PTPRD: variants seen among roughly 807,000 people sequenced by gnomAD.
The protein encoded by PTPRD is receptor-type tyrosine-protein phosphatase delta.
A neutral mutation model predicts 214.5 loss-of-function variants in PTPRD; 34 were observed. That is an observed-to-expected ratio of 0.16 (90% CI 0.12 to 0.21). The LOEUF (loss-of-function observed/expected upper bound fraction) is 0.21. Among genes scored for constraint, PTPRD ranks in the 10% least tolerant of loss-of-function variants. The pLI is 1.00. For missense variants in PTPRD, 2,545 were observed against 2,398.7 expected, an observed-to-expected ratio of 1.06 and a Z score of -1.27; for synonymous variants, 1,128 against 845.7, an observed-to-expected ratio of 1.33 and a Z score of -5.79.
At chr9:8,983,573 A>T (rs2099324811) in intron 11 of PTPRD, among the ~76,000 whole-genome samples, 1 of 151,920 alleles carries the variant, frequency 6.6e-6, no homozygotes, top group African/African-American at 2.4e-5. Flanking sequence ...CTGGAGTGTA[A>T]TCACACATCA....
intron 35 of PTPRD, among the ~76,000 whole-genome samples, chr9:8,410,781 T>G (rs1171615309): frequency 6.6e-6 from 1 of 152,182 alleles, no homozygotes; most frequent in African/African-American, 2.4e-5. Flanking sequence ...ATTTGAAATT[T>G]TGACTCTAAC....
At chr9:9,002,035 C>T (rs2099423548) in intron 11 of PTPRD, among the ~76,000 whole-genome samples, 1 of 151,444 alleles carries the variant, frequency 6.6e-6, no homozygotes, top group African/African-American at 2.4e-5. Flanking sequence ...GGAGTTCAAG[C>T]CCTTATATTA....
At chr9:9,881,709 C>A (rs2068756291) in intron 5 of PTPRD, among the ~76,000 whole-genome samples, 1 of 152,118 alleles carries the variant, frequency 6.6e-6, no homozygotes, top group South Asian at 2.1e-4. Flanking sequence ...CCGTCTCACA[C>A]CCCCACATCT....
At chr9:10,311,522 CTTCATTGGGATATTTGT>C (rs1346852132) in intron 3 of PTPRD, among the ~76,000 whole-genome samples, 1 of 152,004 alleles carries the variant, frequency 6.6e-6, no homozygotes, top group African/African-American at 2.4e-5. Context: ...GCACTCTCTG[CTTCATTGGGATATTTGT>C]ATGCTCATTC....
At chr9:10,580,579 G>C (rs1370021561) in intron 2 of PTPRD, among the ~76,000 whole-genome samples, 1 of 151,966 alleles carries the variant, frequency 6.6e-6, no homozygotes, top group Non-Finnish European at 1.5e-5. Flanking sequence ...ATGCTGTCTG[G>C]AATTTGGCAG....
At chr9:8,768,212 T>C (rs958444074) in intron 11 of PTPRD, among the ~76,000 whole-genome samples, 7 of 152,156 alleles carry the variant, frequency 4.6e-5, no homozygotes, top group African/African-American at 1.7e-4. Context: ...CTGGGCAACA[T>C]AGTGAGACCC....
intron 5 of PTPRD, among the ~76,000 whole-genome samples, chr9:9,875,207 C>A (rs938582521): frequency 4.6e-5 from 7 of 151,966 alleles, no homozygotes; most frequent in Admixed American, 1.3e-4. Context: ...TAGATAATTT[C>A]TTAAAATTAT....
intron 3 of PTPRD, among the ~76,000 whole-genome samples, chr9:10,203,646 A>T (rs1472300794): frequency 2.0e-5 from 3 of 152,138 alleles, no homozygotes; most frequent in Non-Finnish European, 4.4e-5. Context: ...CCACTATTCC[A>T]AGAAATAAAG....
chr9:9,023,038 A>G (rs1046796783), intron 10 of PTPRD, among the ~76,000 whole-genome samples: 1 of 152,152 alleles, frequency 6.6e-6, no homozygotes, highest in African/African-American at 2.4e-5. Flanking sequence ...GATGTTTGGA[A>G]GTCAACATCC....
Position 8,341,280 on chromosome 9 carries a change from GAA to G in PTPRD, c.4948-14_4948-13del, listed in dbSNP as rs367982541. 6.2e-4 allele frequency: 742 copies of G among 1,196,402 alleles called. No individual in the cohort carries two copies. Among genetic ancestry groups the G allele is most frequent in the South Asian group, 2.5e-3 (152 of 61,790 alleles). The allele number at this position is 1,196,402 out of a possible 1,614,324, so 74.1% of individuals were successfully genotyped here. A position where few individuals can be genotyped will look rare whatever the true frequency, so the allele number is the denominator to read the frequency against. ...GAGCTGGCTAGACGCTGTTGAATAG[GAA>G]AAAAAAAAAAGGAAAAACCCAACAA... On this transcript the variant is annotated splice_polypyrimidine_tract_variant and intron_variant, in intron 40 of 45. Coordinates refer to ENST00000381196, the MANE Select transcript of PTPRD (RefSeq NM_002839.4).
chr9:8,648,143 A>G (rs1354177258), intron 12 of PTPRD, among the ~76,000 whole-genome samples: 1 of 152,218 alleles, frequency 6.6e-6, no homozygotes, highest in Non-Finnish European at 1.5e-5. Flanking sequence ...TGGAAATGGT[A>G]TGTTCCAATG....
chr9:9,637,372 C>A (rs755585085), intron 7 of PTPRD, among the ~76,000 whole-genome samples: 43 of 152,300 alleles, frequency 2.8e-4, no homozygotes, highest in South Asian at 8.3e-4. Flanking sequence ...AAGTTATGTA[C>A]TTCCAAAATA....
At chr9:10,282,985 A>G (rs1016472015) in intron 3 of PTPRD, among the ~76,000 whole-genome samples, 1 of 151,996 alleles carries the variant, frequency 6.6e-6, no homozygotes, top group African/African-American at 2.4e-5. Flanking sequence ...TCATTTTTTC[A>G]TTAATATCTG....
intron 4 of PTPRD, among the ~76,000 whole-genome samples, chr9:9,959,378 T>G (rs1343150724): frequency 6.6e-6 from 1 of 152,118 alleles, no homozygotes; most frequent in Non-Finnish European, 1.5e-5. Flanking sequence ...CAGAGGACTT[T>G]TAGAACAGCA....
intron 8 of PTPRD, among the ~76,000 whole-genome samples, chr9:9,417,800 CTT>C (rs1480594745): frequency 6.6e-6 from 1 of 151,964 alleles, no homozygotes; most frequent in East Asian, 1.9e-4. Context: ...ATTTTTAAGA[CTT>C]TGTGTCAGGA....
intron 7 of PTPRD, among the ~76,000 whole-genome samples, chr9:9,593,140 G>GAAAAGAAAAGAAAA (rs1563920992): frequency 0.015 from 1,398 of 95,220 alleles, 22 homozygotes; most frequent in African/African-American, 0.048. Flanking sequence ...GGAAAGGAAA[G>GAAAAGAAAAGAAAA]GGAAAGAAAA....
chr9:8,739,276 A>C (rs999723306), intron 11 of PTPRD, among the ~76,000 whole-genome samples: 29 of 152,220 alleles, frequency 1.9e-4, no homozygotes, highest in African/African-American at 7.0e-4. Flanking sequence ...GCAAACTTTC[A>C]ACATTTCACT....
chr9:8,891,527 T>G (rs970943959), intron 11 of PTPRD, among the ~76,000 whole-genome samples: 32 of 152,118 alleles, frequency 2.1e-4, no homozygotes, highest in Non-Finnish European at 2.9e-5. Context: ...AAAGAGCCAT[T>G]TGTTATATGC....
chr9:10,553,839 T>C (rs2061883234), intron 2 of PTPRD, among the ~76,000 whole-genome samples: 1 of 152,230 alleles, frequency 6.6e-6, no homozygotes, highest in Non-Finnish European at 1.5e-5. Flanking sequence ...AATATATGTT[T>C]TTACTCACTT....
Sources: gnomAD v4.1 joint callset for allele counts (sites outside exome capture counted in the v4.1 genomes callset) on GRCh38, gnomAD v4.1.1 for gene constraint, MANE v1.5 for transcripts, NCBI Gene and HGNC (gene_info 2026-07-23, HGNC 2026-07-21) for gene names.